The following ANKRD30B variants were observed in gnomAD, a reference collection of about 807,000 sequenced individuals.
ANKRD30B encodes ankyrin repeat domain-containing protein 30B.
In ANKRD30B, 144 loss-of-function variants were observed where a neutral mutation model predicts 202.2. The ratio of observed to expected loss-of-function variants is 0.71; its 90% CI spans 0.62 to 0.82. The LOEUF (loss-of-function observed/expected upper bound fraction) is 0.82. Among genes scored for constraint, ANKRD30B ranks in the 40% least tolerant of loss-of-function variants. The pLI, the probability that ANKRD30B is intolerant of heterozygous loss-of-function variation, is 0.00. For synonymous variants in ANKRD30B, 508 were observed against 561.3 expected (o/e 0.91, Z 1.34); for missense variants, 1,487 against 1,669.1 (o/e 0.89, Z 1.90).
the ANKRD30B span, among the ~76,000 whole-genome samples, chr18:14,928,421 C>T: frequency 6.6e-6 from 1 of 152,174 alleles, no homozygotes; most frequent in African/African-American, 2.4e-5. Context: ...TTGCCTTTCC[C>T]GATGTGGCTT....
At position 14,833,521 on chromosome 18, in the gene ANKRD30B, A is replaced by T. The variant is rs186831024; in HGVS notation, c.2847+2066A>T. On this transcript the variant is annotated intron_variant, in intron 34 of 43. Transcript: ENST00000690538. ...AGGAATACATTACTCTAAAATTCTGATTACCAATACTTTCTTCAGGTGAAA... is the reference window on the plus strand; with the variant it reads ...AGGAATACATTACTCTAAAATTCTGTTTACCAATACTTTCTTCAGGTGAAA... Among the ~76,000 whole-genome samples the T allele has an allele frequency of 3.1e-4, 47 of 152,308 alleles. No homozygotes were observed. The East Asian group carries it at 5.8e-3, about 19-fold the overall frequency.
the ANKRD30B span, among the ~76,000 whole-genome samples, chr18:14,879,325 C>T: frequency 1.3e-5 from 2 of 152,296 alleles, 1 homozygote; most frequent in East Asian, 3.9e-4. Flanking sequence ...ATCCACACCA[C>T]AGCCTCGGAA....
intron 26 of ANKRD30B, 147 bp from the exon 27 acceptor site, chr18:14,809,839 T>C: frequency 2.5e-6 from 2 of 786,582 alleles, no homozygotes; most frequent in South Asian, 2.8e-5. Flanking sequence ...TGTTAACAAA[T>C]ACAATAACCC....
At chr18:14,766,581 A>G (rs1275452658) in intron 7 of ANKRD30B, among the ~76,000 whole-genome samples, 2 of 152,032 alleles carry the variant, frequency 1.3e-5, no homozygotes, top group Non-Finnish European at 2.9e-5. Context: ...TTTTCTTTAC[A>G]TATTGAGTTC....
At chr18:14,940,983 A>C in the ANKRD30B span, among the ~76,000 whole-genome samples, 1 of 151,958 alleles carries the variant, frequency 6.6e-6, no homozygotes, top group Admixed American at 6.6e-5. Flanking sequence ...ACAGCACCTG[A>C]GCTTAGGGTC....
chr18:14,888,647 A>G, the ANKRD30B span: 1 of 431,228 alleles, frequency 2.3e-6, no homozygotes, highest in African/African-American at 2.1e-5. Flanking sequence ...TGAGAAGAAA[A>G]CAGTCCACTT....
At chr18:14,839,871 A>T (rs1021415616) in intron 36 of ANKRD30B, among the ~76,000 whole-genome samples, 1 of 152,216 alleles carries the variant, frequency 6.6e-6, no homozygotes, top group African/African-American at 2.4e-5. Flanking sequence ...CATAGTTTTT[A>T]ACCAAAAAAA....
At chr18:14,765,024 A>G (rs1915886523) in intron 7 of ANKRD30B, among the ~76,000 whole-genome samples, 1 of 152,214 alleles carries the variant, frequency 6.6e-6, no homozygotes, top group African/African-American at 2.4e-5. Flanking sequence ...GACTAGGCAT[A>G]GGAAGCCAGT....
intron 32 of ANKRD30B, among the ~76,000 whole-genome samples, chr18:14,826,728 A>ACACACACACAC (rs1186812954): frequency 3.6e-4 from 12 of 33,390 alleles, no homozygotes; most frequent in East Asian, 1.9e-3. Context: ...CACACACACA[A>ACACACACACAC]GTACAGTAAT....
chr18:14,850,733 G>A (rs776174603), intron 41 of ANKRD30B, among the ~76,000 whole-genome samples: 4 of 151,744 alleles, frequency 2.6e-5, no homozygotes, highest in Admixed American at 2.0e-4. Flanking sequence ...AGTTAGTGTC[G>A]TAGTAAATAA....
the ANKRD30B span, among the ~76,000 whole-genome samples, chr18:14,924,020 C>T: frequency 8.5e-5 from 13 of 152,180 alleles, no homozygotes; most frequent in Non-Finnish European, 1.6e-4. Context: ...TTATATGTCT[C>T]ATCTTCTCAC....
At chr18:14,793,873 G>A (rs186835731) in intron 16 of ANKRD30B, among the ~76,000 whole-genome samples, 183 of 151,480 alleles carry the variant, frequency 1.2e-3, no homozygotes, top group African/African-American at 4.0e-3. Context: ...CAGCCTGGGC[G>A]ACAGGGCGAG....
At chr18:14,772,537 T>C (rs1415167728) in intron 9 of ANKRD30B, among the ~76,000 whole-genome samples, 1 of 152,102 alleles carries the variant, frequency 6.6e-6, no homozygotes, top group East Asian at 1.9e-4. Context: ...TAAAATCTGG[T>C]AAAGATTTAT....
At chr18:14,820,804 G>A (rs1970375782) in intron 30 of ANKRD30B, among the ~76,000 whole-genome samples, 1 of 152,170 alleles carries the variant, frequency 6.6e-6, no homozygotes, top group African/African-American at 2.4e-5. Context: ...TGTTCATCAA[G>A]GATATTGGTC....
At chr18:14,762,530 C>T (rs1448780713) in intron 6 of ANKRD30B, among the ~76,000 whole-genome samples, 3 of 152,040 alleles carry the variant, frequency 2.0e-5, no homozygotes, top group Non-Finnish European at 2.9e-5. Context: ...AACTTCATTC[C>T]GTCTAAGTTG....
chr18:14,808,631 A>T lies in ANKRD30B; in HGVS notation c.2314-41A>T, dbSNP rs780682468. ...AATATTAACTACATATTTTTGAAGT[A>T]TACATTATATATTAATTTTTGTGTT... On this transcript the variant is annotated intron_variant, in intron 25 of 43. Transcript: ENST00000690538. 5.8e-5 allele frequency: 91 copies of T among 1,561,194 alleles called. 2 individuals are homozygous for T. In the Middle Eastern group the frequency reaches 8.4e-4, roughly 14 times the overall value.
At chr18:14,906,114 A>T in the ANKRD30B span, among the ~76,000 whole-genome samples, 2 of 152,004 alleles carry the variant, frequency 1.3e-5, no homozygotes, top group African/African-American at 2.4e-5. Context: ...TATATGCCAC[A>T]CATTGTTTAA....
At position 14,847,160 on chromosome 18, in the gene ANKRD30B, G is replaced by C. The variant is rs934120955; in HGVS notation, c.3182-1556G>C. On this transcript the variant is annotated intron_variant, in intron 39 of 43. Coordinates refer to ENST00000690538, the MANE Select transcript of ANKRD30B (RefSeq NM_001367607.2). ...CATGATTTAGTCATATCTTTTTGTG[G>C]TATAAGTTTATTTGGCTATTAGGTA... is the stretch of plus-strand genomic sequence containing the variant. Among the ~76,000 whole-genome samples, 41 of 144,272 alleles carry C rather than the reference G, an allele frequency of 2.8e-4. No homozygotes were observed. The East Asian group carries it at 3.9e-3, about 14-fold the overall frequency. 94.6% of individuals were successfully genotyped at this position (144,272 alleles called of 152,430 possible).
chr18:14,757,716 T>C, intron 4 of ANKRD30B, 99 bp from the exon 5 acceptor site: 2 of 1,307,076 alleles, frequency 1.5e-6, no homozygotes, highest in Non-Finnish European at 2.1e-6. Context: ...GCACTCAAGA[T>C]ACTTATGTTT....
Sources: allele counts gnomAD v4.1 joint callset (sites outside exome capture counted in the v4.1 genomes callset), GRCh38; gene constraint gnomAD v4.1.1; transcripts MANE v1.5; gene names NCBI Gene and HGNC (gene_info 2026-07-23, HGNC 2026-07-21).